The following TRIO variants were observed in gnomAD, a reference collection of about 807,000 sequenced individuals.
TRIO encodes triple functional domain protein.
TRIO carries 58 observed loss-of-function variants against 351.9 expected under a neutral mutation model. The ratio of observed to expected loss-of-function variants is 0.16; its 90% CI spans 0.13 to 0.21. The LOEUF is 0.21. TRIO is among the 10% of genes least tolerant of loss of function. The pLI, the probability that TRIO is intolerant of heterozygous loss-of-function variation, is 1.00. For missense variants in TRIO, 3,201 were observed against 4,027.8 expected (o/e 0.79, Z 5.56); for synonymous variants, 1,758 against 1,595.7 (o/e 1.10, Z -2.42).
intron 1 of TRIO, among the ~76,000 whole-genome samples, chr5:14,234,479 C>G (rs568471862): frequency 6.6e-6 from 1 of 152,246 alleles, no homozygotes; most frequent in South Asian, 2.1e-4. Context: ...GGAGGTAGCC[C>G]CGTGAGCAGG....
chr5:14,404,826 A>T (rs1346227431), intron 31 of TRIO, among the ~76,000 whole-genome samples: 1 of 152,182 alleles, frequency 6.6e-6, no homozygotes, highest in African/African-American at 2.4e-5. Flanking sequence ...CGGTTTCTGT[A>T]GAAAGAGGAT....
At chr5:14,357,928 GC>G (rs946594905) in intron 11 of TRIO, among the ~76,000 whole-genome samples, 2 of 152,050 alleles carry the variant, frequency 1.3e-5, no homozygotes, top group Non-Finnish European at 2.9e-5. Flanking sequence ...AGTGCTGCCC[GC>G]CGTTCGCCTG....
chr5:14,165,520 C>T (rs1788713494), intron 1 of TRIO, among the ~76,000 whole-genome samples: 1 of 152,064 alleles, frequency 6.6e-6, no homozygotes, highest in Admixed American at 6.5e-5. Context: ...TTGGCGGGCA[C>T]GTGGGTTGAC....
intron 1 of TRIO, among the ~76,000 whole-genome samples, chr5:14,210,672 A>C (rs1265415912): frequency 1.3e-5 from 2 of 152,126 alleles, no homozygotes; most frequent in African/African-American, 2.4e-5. Flanking sequence ...AAAGGAAATA[A>C]ATTTTTATTT....
At chr5:14,160,823 G>A (rs528213905) in intron 1 of TRIO, among the ~76,000 whole-genome samples, 10 of 152,280 alleles carry the variant, frequency 6.6e-5, no homozygotes, top group East Asian at 3.9e-4. Context: ...TTCCCGACTC[G>A]TCCCTTTCTC....
At chr5:14,503,690 G>A (rs976388602) in intron 54 of TRIO, among the ~76,000 whole-genome samples, 2 of 152,236 alleles carry the variant, frequency 1.3e-5, no homozygotes, top group African/African-American at 4.8e-5. Context: ...CCAGCCCCAG[G>A]CAGCCCTGAT....
At chr5:14,392,890 CA>C (rs35146191) in intron 27 of TRIO, among the ~76,000 whole-genome samples, 47,554 of 151,418 alleles carry the variant, frequency 0.31, 8,047 homozygotes, top group African/African-American at 0.42. Flanking sequence ...ACTAAAAATA[CA>C]AAAAAAATTA....
intron 1 of TRIO, among the ~76,000 whole-genome samples, chr5:14,205,505 G>C (rs371528880): frequency 1.3e-5 from 2 of 152,232 alleles, no homozygotes; most frequent in East Asian, 1.9e-4. Context: ...TGGCCAGGGA[G>C]AGGATAAAAA....
intron 1 of TRIO, among the ~76,000 whole-genome samples, chr5:14,225,057 T>G (rs1792901922): frequency 6.6e-6 from 1 of 152,202 alleles, no homozygotes; most frequent in Non-Finnish European, 1.5e-5. Flanking sequence ...GGAAGCCTGA[T>G]GGAGATGGTG....
intron 49 of TRIO, among the ~76,000 whole-genome samples, chr5:14,494,116 G>A (rs531276569): frequency 2.6e-5 from 4 of 152,298 alleles, no homozygotes; most frequent in African/African-American, 9.6e-5. Context: ...GAACCCAGTC[G>A]CATTTATTTA....
chr5:14,218,916 G>A (rs1289085684), intron 1 of TRIO, among the ~76,000 whole-genome samples: 2 of 152,226 alleles, frequency 1.3e-5, no homozygotes, highest in African/African-American at 2.4e-5. Flanking sequence ...GGCAGTGCCG[G>A]CAGCAACCCT....
intron 55 of TRIO, among the ~76,000 whole-genome samples, chr5:14,506,553 A>G (rs1757700622): frequency 6.6e-6 from 1 of 152,214 alleles, no homozygotes; most frequent in Non-Finnish European, 1.5e-5. Flanking sequence ...GAGAGTCATA[A>G]GGATTAAATG....
At chr5:14,267,118 AC>A (rs1216952832) in intron 1 of TRIO, among the ~76,000 whole-genome samples, 3 of 152,222 alleles carry the variant, frequency 2.0e-5, no homozygotes, top group African/African-American at 7.2e-5. Flanking sequence ...AAAAGTGGGT[AC>A]AACTAAATGT....
At chr5:14,408,777 C>T (rs1288683821) in intron 33 of TRIO, among the ~76,000 whole-genome samples, 1 of 151,964 alleles carries the variant, frequency 6.6e-6, no homozygotes. Flanking sequence ...CATTTGAGAT[C>T]ACCGTCAAGC....
intron 34 of TRIO, among the ~76,000 whole-genome samples, chr5:14,428,477 GGA>G (rs2152395625): frequency 6.6e-6 from 1 of 152,194 alleles, no homozygotes; most frequent in South Asian, 2.1e-4. Context: ...CAAAGAACAT[GGA>G]GTTACACCAA....
chr5:14,270,954 G>A, intron 2 of TRIO, 55 bp downstream of exon 2: 1 of 1,306,922 alleles, frequency 7.7e-7, no homozygotes. Context: ...CAATTTCAGA[G>A]TCTGACGTAA....
intron 37 of TRIO, among the ~76,000 whole-genome samples, chr5:14,467,599 T>G (rs918723978): frequency 2.4e-4 from 37 of 152,130 alleles, no homozygotes; most frequent in Admixed American, 1.7e-3. Flanking sequence ...GCATATTGCT[T>G]GAGCCCAGGA....
chr5:14,188,410 T>G (rs1561181248), intron 1 of TRIO, among the ~76,000 whole-genome samples: 1 of 152,228 alleles, frequency 6.6e-6, no homozygotes, highest in Non-Finnish European at 1.5e-5. Context: ...TGGGGTGGTT[T>G]GAACCTAGTT....
Position 14,316,706 on chromosome 5 carries a change from G to C in TRIO, c.1694G>C (p.Arg565Thr). 6.2e-7 allele frequency: 1 copy of C among 1,614,172 alleles called. No homozygotes were observed. Among genetic ancestry groups the C allele is most frequent in the South Asian group, 1.1e-5 (1 of 91,084 alleles). ...CACCGCAAGGTCCGGCTGCATCAGA[G>C]GCTGCAGCTGTGTGTTTTCCAGCAG... ...WQHRKVRLHQ[R>T]LQLCVFQQDV... Residue 565 changes from arginine to threonine, a missense_variant, in exon 9 of 57, where the codon AGG becomes ACG. Transcript: ENST00000344204.
Sources: gnomAD v4.1 joint callset for allele counts (sites outside exome capture counted in the v4.1 genomes callset) on GRCh38, gnomAD v4.1.1 for gene constraint, MANE v1.5 for transcripts, NCBI Gene and HGNC (gene_info 2026-07-23, HGNC 2026-07-21) for gene names.